GPC6: variants seen among roughly 807,000 people sequenced by gnomAD.
GPC6 encodes glypican 6.
GPC6 carries 14 observed loss-of-function variants against 55.2 expected under a neutral mutation model. That is an observed-to-expected ratio of 0.25 (90% CI 0.17 to 0.40). The LOEUF (loss-of-function observed/expected upper bound fraction) is 0.40. Ranked by LOEUF, GPC6 falls within the 10% of genes least tolerant of loss-of-function variation. GPC6 has a pLI of 1.00. For missense variants in GPC6, 641 were observed against 708.5 expected (o/e 0.90, Z 1.08); for synonymous variants, 278 against 259.6 (o/e 1.07, Z -0.68).
At chr13:94,344,394 A>G (rs2139160208) in intron 6 of GPC6, among the ~76,000 whole-genome samples, 1 of 152,334 alleles carries the variant, frequency 6.6e-6, no homozygotes, top group South Asian at 2.1e-4. Flanking sequence ...CTTCCACATG[A>G]GCTTGAAATG....
intron 2 of GPC6, among the ~76,000 whole-genome samples, chr13:93,712,186 C>T (rs984846174): frequency 1.3e-5 from 2 of 151,678 alleles, no homozygotes; most frequent in African/African-American, 4.8e-5. Flanking sequence ...TTATCAGATG[C>T]AAATCCTTAT....
At chr13:93,280,095 G>A (rs1056052066) in intron 1 of GPC6, among the ~76,000 whole-genome samples, 1 of 152,260 alleles carries the variant, frequency 6.6e-6, no homozygotes, top group East Asian at 1.9e-4. Flanking sequence ...TTCACCTGAA[G>A]GCATTTTTTC....
chr13:93,830,972 G>T, intron 3 of GPC6: 1 of 168,278 alleles, frequency 5.9e-6, no homozygotes, highest in South Asian at 1.4e-4. Context: ...ATGGAGACAA[G>T]TTATTGTTCA....
intron 3 of GPC6, among the ~76,000 whole-genome samples, chr13:93,970,156 G>C (rs909156056): frequency 1.3e-5 from 2 of 152,140 alleles, no homozygotes; most frequent in African/African-American, 4.8e-5. Context: ...TCCATAGAGT[G>C]TGTGCCTAAA....
chr13:93,301,588 CT>C (rs993511110), intron 1 of GPC6, among the ~76,000 whole-genome samples: 1 of 152,186 alleles, frequency 6.6e-6, no homozygotes, highest in African/African-American at 2.4e-5. Flanking sequence ...GAGACTGTTG[CT>C]CCTTCTATAG....
the GPC6 span, among the ~76,000 whole-genome samples, chr13:93,219,118 G>A: frequency 2.0e-5 from 3 of 146,770 alleles, no homozygotes; most frequent in East Asian, 4.0e-4. Flanking sequence ...TTTTTAGACA[G>A]AGTCTCACTC....
intron 3 of GPC6, among the ~76,000 whole-genome samples, chr13:93,890,877 A>C (rs1016136465): frequency 2.6e-5 from 4 of 151,880 alleles, no homozygotes; most frequent in African/African-American, 9.7e-5. Flanking sequence ...GCCATAGTTT[A>C]TTATATAACC....
intron 1 of GPC6, among the ~76,000 whole-genome samples, chr13:93,362,943 G>A (rs921408884): frequency 2.6e-5 from 4 of 151,984 alleles, no homozygotes; most frequent in African/African-American, 7.2e-5. Flanking sequence ...AACAGTGCTA[G>A]TATTAATTTT....
chr13:94,337,814 A>G (rs1050236992), intron 6 of GPC6, among the ~76,000 whole-genome samples: 7 of 152,194 alleles, frequency 4.6e-5, no homozygotes, highest in African/African-American at 1.4e-4. Context: ...CCAACGGGAG[A>G]AGACACAGAA....
chr13:94,143,215 TA>T (rs1887446990), intron 4 of GPC6, among the ~76,000 whole-genome samples: 1 of 152,126 alleles, frequency 6.6e-6, no homozygotes, highest in African/African-American at 2.4e-5. Flanking sequence ...TTTTCAAGAT[TA>T]GGTGAGATTG....
At chr13:93,550,894 G>A (rs1303792741) in intron 2 of GPC6, among the ~76,000 whole-genome samples, 1 of 152,086 alleles carries the variant, frequency 6.6e-6, no homozygotes, top group East Asian at 1.9e-4. Context: ...GACTAATAAT[G>A]ACTAAAATTT....
At chr13:93,945,992 G>A (rs973555176) in intron 3 of GPC6, among the ~76,000 whole-genome samples, 16 of 152,232 alleles carry the variant, frequency 1.1e-4, no homozygotes, top group Admixed American at 9.8e-4. Context: ...CTACAGACAT[G>A]CTACACATTA....
In GPC6 at chr13:93,724,432, C is replaced by G. The variant is rs1883556940; in HGVS notation, c.320-105722C>G. 2.0e-5 allele frequency among the ~76,000 whole-genome samples: 3 copies of G among 152,148 alleles called. No homozygotes were observed. The South Asian group carries it at 6.2e-4, about 32-fold the overall frequency. On this transcript the variant is annotated intron_variant, in intron 2 of 8. Coordinates refer to ENST00000377047, the MANE Select transcript of GPC6 (RefSeq NM_005708.5). ...CTGTGGTTAGACTGTTTGATTACTTCTATCTTATACTTTCTCGTGAGATTC... is the reference window on the plus strand; with the variant it reads ...CTGTGGTTAGACTGTTTGATTACTTGTATCTTATACTTTCTCGTGAGATTC...
intron 1 of GPC6, among the ~76,000 whole-genome samples, chr13:93,451,864 C>T (rs895060209): frequency 6.6e-6 from 1 of 152,126 alleles, no homozygotes; most frequent in African/African-American, 2.4e-5. Context: ...CATTTAATTA[C>T]TATTGACTTT....
At chr13:93,818,463 C>T (rs1035174534) in intron 2 of GPC6, 3 of 152,094 alleles carry the variant, frequency 2.0e-5, no homozygotes, top group African/African-American at 4.8e-5. Context: ...CTTAAATGCA[C>T]CCTAGGTGGG....
At position 93,243,065 on chromosome 13, in the gene GPC6, T is replaced by G. The variant is rs565748458; in HGVS notation, c.160+15449T>G. The stretch of plus-strand genomic sequence containing the variant: ...GAGATGGTAGCCCAATATAATGCCC[T>G]CGAGAAGTCCCCAGATCGCAGCCCG... On this transcript the variant is annotated intron_variant, in intron 1 of 8. Coordinates refer to ENST00000377047, the MANE Select transcript of GPC6 (RefSeq NM_005708.5). Among the ~76,000 whole-genome samples, 5 of 152,238 alleles carry G rather than the reference T, an allele frequency of 3.3e-5. No homozygotes were observed. The South Asian group carries it at 1.0e-3, about 32-fold the overall frequency.
chr13:94,140,307 T>G (rs1887328824), intron 4 of GPC6, among the ~76,000 whole-genome samples: 1 of 152,216 alleles, frequency 6.6e-6, no homozygotes, highest in Non-Finnish European at 1.5e-5. Flanking sequence ...TAGTTTTAAT[T>G]TGAATTAGTA....
chr13:93,289,651 G>A (rs1396018480), intron 1 of GPC6, among the ~76,000 whole-genome samples: 1 of 152,108 alleles, frequency 6.6e-6, no homozygotes, highest in Non-Finnish European at 1.5e-5. Flanking sequence ...AAACTTGTAT[G>A]CACAGTTCAG....
intron 1 of GPC6, among the ~76,000 whole-genome samples, chr13:93,363,226 T>C (rs1029831634): frequency 1.6e-4 from 24 of 151,854 alleles, no homozygotes; most frequent in African/African-American, 5.8e-4. Flanking sequence ...GCTGGTGTGC[T>C]GCACCCACTA....
Sources: gnomAD v4.1 joint callset for allele counts (sites outside exome capture counted in the v4.1 genomes callset) on GRCh38, gnomAD v4.1.1 for gene constraint, MANE v1.5 for transcripts, NCBI Gene and HGNC (gene_info 2026-07-23, HGNC 2026-07-21) for gene names.